The following AFG2A variants were observed in gnomAD, a reference collection of about 807,000 sequenced individuals.
AFG2A encodes ATPase family gene 2 protein homolog A.
At chr4:123,068,717 G>T in the AFG2A span, among the ~76,000 whole-genome samples, 1 of 128,520 alleles carries the variant, frequency 7.8e-6, no homozygotes, top group Admixed American at 8.5e-5. Flanking sequence ...ACAGTGCCTA[G>T]CAAAGATGCA....
the AFG2A span, among the ~76,000 whole-genome samples, chr4:123,237,193 T>C: frequency 1.8e-4 from 27 of 152,302 alleles, no homozygotes; most frequent in South Asian, 2.5e-3. Context: ...ATAGATAATA[T>C]GCAAATGGCT....
chr4:123,137,848 G>C, the AFG2A span, among the ~76,000 whole-genome samples: 1 of 152,030 alleles, frequency 6.6e-6, no homozygotes, highest in African/African-American at 2.4e-5. Context: ...TTTGTTTTGT[G>C]TGTTGCTCTA....
chr4:122,953,279 A>G, the AFG2A span, among the ~76,000 whole-genome samples: 11 of 152,218 alleles, frequency 7.2e-5, no homozygotes, highest in African/African-American at 2.4e-4. Context: ...GGAGCTATAC[A>G]TACTAAATAG....
chr4:123,004,836 C>A, the AFG2A span, among the ~76,000 whole-genome samples: 109 of 152,250 alleles, frequency 7.2e-4, no homozygotes, highest in African/African-American at 2.5e-3. Flanking sequence ...TTGAAATCAT[C>A]TGGGTCTGGA....
At chr4:122,952,434 G>A in the AFG2A span, among the ~76,000 whole-genome samples, 1 of 152,114 alleles carries the variant, frequency 6.6e-6, no homozygotes, top group Non-Finnish European at 1.5e-5. Flanking sequence ...CTAAGGAGTT[G>A]GGCCAAATGA....
At chr4:123,225,028 C>T in the AFG2A span, among the ~76,000 whole-genome samples, 1 of 152,206 alleles carries the variant, frequency 6.6e-6, no homozygotes, top group African/African-American at 2.4e-5. Context: ...AGTGTCTGTT[C>T]ATATCCTTCA....
the AFG2A span, among the ~76,000 whole-genome samples, chr4:123,163,954 G>T: frequency 1.3e-5 from 2 of 152,170 alleles, no homozygotes; most frequent in African/African-American, 4.8e-5. Context: ...AAGGTTTAAA[G>T]TCTACCACTT....
At chr4:123,016,894 C>T in the AFG2A span, among the ~76,000 whole-genome samples, 3 of 152,304 alleles carry the variant, frequency 2.0e-5, no homozygotes, top group Admixed American at 1.3e-4. Flanking sequence ...CCGAGGCTGG[C>T]GGATCACTCG....
the AFG2A span, among the ~76,000 whole-genome samples, chr4:123,198,732 C>G: frequency 1.2e-3 from 185 of 152,302 alleles, 1 homozygote; most frequent in South Asian, 9.3e-3. Flanking sequence ...TCTTCCTGCC[C>G]TAGCCTTTCC....
chr4:123,085,685 C>T, the AFG2A span, among the ~76,000 whole-genome samples: 7 of 151,732 alleles, frequency 4.6e-5, no homozygotes, highest in Admixed American at 6.6e-5. Flanking sequence ...GCATTTAGGC[C>T]GTTGATGTGT....
the AFG2A span, among the ~76,000 whole-genome samples, chr4:122,967,958 G>GT: frequency 6.6e-6 from 1 of 152,006 alleles, no homozygotes; most frequent in African/African-American, 2.4e-5. Context: ...TTAGAACTGA[G>GT]TTTTTTCATT....
the AFG2A span, chr4:122,933,517 T>C: frequency 2.3e-5 from 37 of 1,604,052 alleles, no homozygotes; most frequent in Non-Finnish European, 2.6e-5. Flanking sequence ...ATATTTTAAA[T>C]TGTTTTCTTA....
At chr4:123,199,765 C>T in the AFG2A span, among the ~76,000 whole-genome samples, 7 of 152,108 alleles carry the variant, frequency 4.6e-5, no homozygotes, top group East Asian at 1.2e-3. Flanking sequence ...CCACCACACC[C>T]GGCCGATATA....
At chr4:123,003,643 G>C in the AFG2A span, among the ~76,000 whole-genome samples, 3 of 152,094 alleles carry the variant, frequency 2.0e-5, no homozygotes, top group Admixed American at 2.0e-4. Flanking sequence ...TGCAAATGCT[G>C]CTGTCTGATC....
the AFG2A span, among the ~76,000 whole-genome samples, chr4:123,248,790 G>A: frequency 6.1e-3 from 924 of 152,172 alleles, 9 homozygotes; most frequent in Non-Finnish European, 4.8e-3. Context: ...TTCTAACCTC[G>A]TAGCTCATTG....
the AFG2A span, among the ~76,000 whole-genome samples, chr4:123,286,937 C>A: frequency 1.3e-5 from 2 of 152,192 alleles, no homozygotes; most frequent in East Asian, 3.9e-4. Context: ...AAATTACTCC[C>A]CAAATCAAGC....
At chr4:123,228,427 A>G in the AFG2A span, among the ~76,000 whole-genome samples, 4 of 149,302 alleles carry the variant, frequency 2.7e-5, no homozygotes, top group African/African-American at 9.8e-5. Context: ...GCAACTGGAG[A>G]AAAAAAAAAG....
chr4:122,947,415 T>C, the AFG2A span: 2 of 1,614,148 alleles, frequency 1.2e-6, no homozygotes, highest in Non-Finnish European at 1.7e-6. Context: ...TCACTGAGGC[T>C]GAGCTGCTGC....
the AFG2A span, among the ~76,000 whole-genome samples, chr4:123,140,876 A>C: frequency 6.6e-6 from 1 of 152,208 alleles, no homozygotes; most frequent in South Asian, 2.1e-4. Context: ...ATGGAACAAA[A>C]GTTAACATTG....
Sources: gnomAD v4.1 joint callset for allele counts (sites outside exome capture counted in the v4.1 genomes callset) on GRCh38, gnomAD v4.1.1 for gene constraint, MANE v1.5 for transcripts, NCBI Gene and HGNC (gene_info 2026-07-23, HGNC 2026-07-21) for gene names.